The following MTUS2 variants were observed in gnomAD, a reference collection of about 807,000 sequenced individuals.
MTUS2 encodes the protein microtubule associated scaffold protein 2.
MTUS2 carries 40 observed loss-of-function variants against 114.1 expected under a neutral mutation model. That is an observed-to-expected ratio of 0.35 (90% CI 0.27 to 0.46). MTUS2 has a LOEUF of 0.46. Among genes scored for constraint, MTUS2 ranks in the 20% least tolerant of loss-of-function variants. The pLI is 1.00. For synonymous variants in MTUS2, 688 were observed against 672.0 expected (o/e 1.02, Z -0.37); for missense variants, 1,679 against 1,705.4 (o/e 0.98, Z 0.27).
At chr13:29,406,170 A>G (rs761444389) in intron 8 of MTUS2, among the ~76,000 whole-genome samples, 1 of 152,196 alleles carries the variant, frequency 6.6e-6, no homozygotes, top group African/African-American at 2.4e-5. Context: ...CGTCCCTTAC[A>G]AGAAGAAACC....
chr13:28,953,372 G>C (rs1392454489), intron 2 of MTUS2, among the ~76,000 whole-genome samples: 1 of 152,032 alleles, frequency 6.6e-6, no homozygotes, highest in African/African-American at 2.4e-5. Context: ...AGCCGGGCAT[G>C]GTGGTGTGCA....
intron 2 of MTUS2, among the ~76,000 whole-genome samples, chr13:28,878,519 G>A (rs950579917): frequency 4.6e-5 from 7 of 152,000 alleles, no homozygotes; most frequent in Admixed American, 3.3e-4. Context: ...AGTATGTGTT[G>A]TTCTTCTCCC....
chr13:28,943,810 C>T (rs1882371925), intron 2 of MTUS2, among the ~76,000 whole-genome samples: 1 of 152,134 alleles, frequency 6.6e-6, no homozygotes, highest in Admixed American at 6.5e-5. Flanking sequence ...CACAGTGGGC[C>T]TGGGCTCTGG....
chr13:29,435,926 G>A (rs1247607383), intron 8 of MTUS2, among the ~76,000 whole-genome samples: 1 of 152,134 alleles, frequency 6.6e-6, no homozygotes, highest in Non-Finnish European at 1.5e-5. Flanking sequence ...AGAAGCTGGT[G>A]GGGAAAACTA....
intron 2 of MTUS2, among the ~76,000 whole-genome samples, chr13:28,996,653 C>G (rs1457832918): frequency 6.6e-6 from 1 of 152,074 alleles, no homozygotes; most frequent in Non-Finnish European, 1.5e-5. Flanking sequence ...AGGAATTTAT[C>G]CATTTCTTCT....
Position 29,382,225 on chromosome 13 carries a change from A to G in MTUS2, c.3117+22752A>G, listed in dbSNP as rs530393635. On this transcript the variant is annotated intron_variant, in intron 8 of 15. Coordinates refer to ENST00000612955, the MANE Select transcript of MTUS2 (RefSeq NM_001033602.4). ...CAGGTCGGGCCTTGCAGCACCTCCT[A>G]AGCAGTGGTGGAGACCCTGGCCCTT... 1.4e-4 allele frequency among the ~76,000 whole-genome samples: 22 copies of G among 152,264 alleles called. No homozygotes were observed. The South Asian group carries it at 2.3e-3, about 16-fold the overall frequency.
chr13:29,318,391 C>CTTTTTTTTTTTTTTTTTTTT lies in MTUS2; in HGVS notation c.2807-6211_2807-6210insTTTTTTTTTTTTTTTTTTTT, dbSNP rs71090240. Among the ~76,000 whole-genome samples the CTTTTTTTTTTTTTTTTTTTT allele has an allele frequency of 9.9e-4, 133 of 134,938 alleles. 1 individual carries two copies. Among genetic ancestry groups the CTTTTTTTTTTTTTTTTTTTT allele is most frequent in the African/African-American group, 2.0e-3 (69 of 35,150 alleles). 88.5% of individuals were successfully genotyped at this position (134,938 alleles called of 152,430 possible). ...CTATTATCATTTGTTATTTCTTTTT[C>CTTTTTTTTTTTTTTTTTTTT]TTTTTTTTTTTGAGATGACAGCCTC... On this transcript the variant is annotated intron_variant, in intron 6 of 15. Coordinates refer to ENST00000612955, the MANE Select transcript of MTUS2 (RefSeq NM_001033602.4).
intron 2 of MTUS2, among the ~76,000 whole-genome samples, chr13:28,922,539 T>C (rs1488956952): frequency 6.6e-6 from 1 of 152,164 alleles, no homozygotes; most frequent in Admixed American, 6.5e-5. Context: ...CTATGCCTGG[T>C]CCAAATGCTC....
chr13:28,925,196 A>G (rs1246867985), intron 2 of MTUS2, among the ~76,000 whole-genome samples: 1 of 152,102 alleles, frequency 6.6e-6, no homozygotes, highest in Non-Finnish European at 1.5e-5. Flanking sequence ...TATCTGACAC[A>G]AGAAGCTGTT....
chr13:29,409,659 G>T (rs915939391), intron 8 of MTUS2, among the ~76,000 whole-genome samples: 8 of 152,102 alleles, frequency 5.3e-5, no homozygotes, highest in African/African-American at 1.7e-4. Context: ...GCAGATTCAT[G>T]TTTATTTCCT....
chr13:29,265,710 T>C (rs1180064050), intron 5 of MTUS2, among the ~76,000 whole-genome samples: 2 of 152,194 alleles, frequency 1.3e-5, no homozygotes, highest in Non-Finnish European at 2.9e-5. Context: ...GAACCTTACA[T>C]GGCAAAAGCA....
intron 5 of MTUS2, among the ~76,000 whole-genome samples, chr13:29,256,408 G>A (rs1897284710): frequency 6.6e-6 from 1 of 152,212 alleles, no homozygotes; most frequent in African/African-American, 2.4e-5. Context: ...CCTGTAAGAC[G>A]AGGTCTGTGA....
chr13:28,996,536 T>A (rs1885115871), intron 2 of MTUS2, among the ~76,000 whole-genome samples: 1 of 152,156 alleles, frequency 6.6e-6, no homozygotes, highest in African/African-American at 2.4e-5. Context: ...CCTGGACTTT[T>A]TTTGGTTGGT....
chr13:29,195,573 G>C (rs1320243860), intron 5 of MTUS2, among the ~76,000 whole-genome samples: 1 of 139,910 alleles, frequency 7.1e-6, no homozygotes, highest in African/African-American at 2.7e-5. Flanking sequence ...AGCTACAGTA[G>C]TCAGTACATC....
Position 29,025,328 on chromosome 13 carries a change from TG to T in MTUS2, c.635del (p.Gly212ValfsTer73), listed in dbSNP as rs1369776533. On this transcript the variant is annotated frameshift_variant, in exon 3 of 16. Coordinates refer to ENST00000612955, the MANE Select transcript of MTUS2 (RefSeq NM_001033602.4). LOFTEE classifies it high-confidence loss of function. ...CCCGGGAAGCACGGGGTCAGATACC[TG>T]GGGGTGGGGAGGGGCCACAGAAGAC... Reference protein sequence around the residue: ...DSREARGQIPGGGEGPQKTLP... With the variant: ...DSREARGQIPXGGEGPQKTLP... 1 of 1,613,478 alleles carries T rather than the reference TG, an allele frequency of 6.2e-7. No individual in the cohort carries two copies. Among genetic ancestry groups the T allele is most frequent in the Non-Finnish European group, 8.5e-7 (1 of 1,179,834 alleles).
Position 28,887,466 on chromosome 13 carries a change from G to T in MTUS2, c.-243+47616G>T, listed in dbSNP as rs575080794. On this transcript the variant is annotated intron_variant, in intron 2 of 15. Coordinates refer to ENST00000612955, the MANE Select transcript of MTUS2 (RefSeq NM_001033602.4). ...GGGCACAGCGGGTGAGGCAGGCAGG[G>T]TCTAGTGGAGAGCAGACATTCCATA... 7.9e-5 allele frequency among the ~76,000 whole-genome samples: 12 copies of T among 152,332 alleles called. No homozygotes were observed. The South Asian group carries it at 2.5e-3, about 32-fold the overall frequency.
intron 2 of MTUS2, among the ~76,000 whole-genome samples, chr13:28,981,753 A>G (rs1462088999): frequency 6.6e-6 from 1 of 152,172 alleles, no homozygotes; most frequent in Non-Finnish European, 1.5e-5. Flanking sequence ...TCTAGCTGTC[A>G]TCGGTGGCCC....
chr13:29,377,250 T>C (rs3125704), intron 8 of MTUS2, among the ~76,000 whole-genome samples: 92,614 of 152,008 alleles, frequency 0.61, 29,124 homozygotes, highest in East Asian at 0.75. Context: ...ACCAACAGGA[T>C]CATCTTGATG....
At chr13:29,425,592 T>A (rs1226237562) in intron 8 of MTUS2, among the ~76,000 whole-genome samples, 1 of 152,218 alleles carries the variant, frequency 6.6e-6, no homozygotes, top group Non-Finnish European at 1.5e-5. Context: ...TGCCAACACC[T>A]TGATGACGGT....
Sources: allele counts gnomAD v4.1 joint callset (sites outside exome capture counted in the v4.1 genomes callset), GRCh38; gene constraint gnomAD v4.1.1; transcripts MANE v1.5; gene names NCBI Gene and HGNC (gene_info 2026-07-23, HGNC 2026-07-21).